The following GJE1 variants were observed in gnomAD, a reference collection of about 807,000 sequenced individuals.
The protein encoded by GJE1 is gap junction protein epsilon 1, also known as gap junction epsilon-1 protein.
GJE1 carries 9 observed loss-of-function variants against 6.2 expected under a neutral mutation model. That is an observed-to-expected ratio of 1.45 (90% confidence interval 0.87 to 2.52). GJE1 has a LOEUF of 2.52. Among genes scored for constraint, GJE1 ranks in the 30% most tolerant of loss-of-function variants. GJE1 has a pLI of 0.00. For missense variants in GJE1, 190 were observed against 87.7 expected, an observed-to-expected ratio of 2.17 and a Z score of -4.66; for synonymous variants, 65 against 30.1, an observed-to-expected ratio of 2.16 and a Z score of -3.80.
intron 2 of GJE1, 104 bp downstream of exon 2, chr6:142,134,148 A>T (rs1778203278): frequency 4.0e-6 from 2 of 503,374 alleles, no homozygotes; most frequent in Admixed American, 6.8e-5. Context: ...GTTCCTAAGG[A>T]TTATGTTACT....
chr6:142,134,448 T>A (rs1371355056), intron 2 of GJE1, 91 bp from the exon 3 acceptor site: 2 of 455,910 alleles, frequency 4.4e-6, no homozygotes, highest in Non-Finnish European at 3.8e-6. Flanking sequence ...TAGACTCTGT[T>A]GAGAGTTAGT....
exon 1 of GJE1, chr6:142,133,184 T>C (rs1314257067): frequency 8.7e-6 from 6 of 687,312 alleles, no homozygotes; most frequent in Admixed American, 2.1e-5. Context: ...ATCAAAAACT[T>C]CTATGAAGGA....
upstream of GJE1, chr6:142,133,054 G>C (rs111269991): frequency 2.7e-3 from 1,432 of 526,866 alleles, 21 homozygotes; most frequent in African/African-American, 0.025. Context: ...GTTTTCTGCT[G>C]TAAGAGTCCT....
exon 2 of GJE1, chr6:142,133,959 A>C: frequency 2.8e-6 from 2 of 702,512 alleles, no homozygotes; most frequent in Non-Finnish European, 5.2e-6. Context: ...GAGGCCTTGC[A>C]CTTCATTTGC....
exon 2 of GJE1, chr6:142,134,005 C>T (rs1487837097): frequency 1.4e-6 from 1 of 702,262 alleles, no homozygotes; most frequent in Non-Finnish European, 2.6e-6. Context: ...TCTTCTGTTA[C>T]AATCAGTTCA....
intron 2 of GJE1, 137 bp from the exon 3 acceptor site, chr6:142,134,402 C>A (rs1778207677): frequency 2.2e-6 from 1 of 451,732 alleles, no homozygotes; most frequent in Non-Finnish European, 3.9e-6. Flanking sequence ...TATTAAGACA[C>A]ATATAAGATT....
chr6:142,133,857 C>A, exon 2 of GJE1: 1 of 688,448 alleles, frequency 1.5e-6, no homozygotes. Context: ...CAGGTTAAAC[C>A]TCCAACTGTG....
chr6:142,133,929 G>A, exon 2 of GJE1: 1 of 702,434 alleles, frequency 1.4e-6, no homozygotes, highest in Non-Finnish European at 2.6e-6. Context: ...GGGGTGCTAG[G>A]CTTTGCAGTT....
intron 2 of GJE1, 117 bp from the exon 3 acceptor site, chr6:142,134,422 C>A: frequency 2.3e-6 from 1 of 442,168 alleles, no homozygotes; most frequent in East Asian, 3.4e-5. Context: ...TTTTATGAAA[C>A]TTGGAATTTT....
At chr6:142,134,776 A>G in exon 3 of GJE1, 1 of 692,810 alleles carries the variant, frequency 1.4e-6, no homozygotes, top group Non-Finnish European at 2.6e-6. Context: ...GGAAAACATG[A>G]TTATAAGATG....
chr6:142,133,874 C>A, exon 2 of GJE1: 1 of 698,368 alleles, frequency 1.4e-6, no homozygotes, highest in South Asian at 1.5e-5. Context: ...TGTGATTGGT[C>A]AATTCCACAC....
intron 1 of GJE1, among the ~76,000 whole-genome samples, chr6:142,133,496 G>A (rs1230658576): frequency 1.3e-5 from 2 of 152,136 alleles, no homozygotes; most frequent in African/African-American, 4.8e-5. Flanking sequence ...TGTACGGACT[G>A]AGCTTACTAC....
chr6:142,133,295 TG>T, intron 1 of GJE1, 98 bp downstream of exon 1: 1 of 495,800 alleles, frequency 2.0e-6, no homozygotes, highest in Non-Finnish European at 3.6e-6. Context: ...TCTACATCTA[TG>T]GAGAATACTG....
rs143586294 is a variant in GJE1, at chr6:142,134,023, C to A, written c.213C>A (p.Ile71=). The A allele has an allele frequency of 1.0e-4, 70 of 693,658 alleles. No individual in the cohort carries two copies. The East Asian group carries it at 1.9e-3, about 18-fold the overall frequency. 43.0% of individuals were successfully genotyped at this position (693,658 alleles called of 1,614,324 possible). Residue 71 remains isoleucine (I), a synonymous_variant, in exon 2 of 3, where the codon ATC becomes ATA. Transcript: ENST00000450456. ...TCTGTTACAATCAGTTCAGGCCAAT[C>A]ACTCCACAAGTAAGTTTTTCTGTGT...
chr6:142,134,518 G>C, intron 2 of GJE1, 21 bp from the exon 3 acceptor site: 1 of 485,302 alleles, frequency 2.1e-6, no homozygotes, highest in South Asian at 4.2e-5. Flanking sequence ...AGATATTTCT[G>C]ACATACTTTA....
exon 3 of GJE1, chr6:142,134,549 T>C (rs534746689): frequency 2.4e-4 from 134 of 559,562 alleles, no homozygotes; most frequent in Non-Finnish European, 3.9e-4. Flanking sequence ...GCATTACAAC[T>C]AGTTATTGTC....
exon 3 of GJE1, chr6:142,134,685 G>A (rs547675373): frequency 3.5e-5 from 24 of 695,436 alleles, no homozygotes; most frequent in Admixed American, 1.9e-4. Context: ...TTAGTCTAGC[G>A]GCAATAGCAT....
chr6:142,134,036 A>C (rs1778199924), exon 2 of GJE1: 2 of 678,480 alleles, frequency 2.9e-6, no homozygotes, highest in African/African-American at 3.5e-5. Context: ...TCCACAAGTA[A>C]GTTTTTCTGT....
chr6:142,134,103 T>A (rs1778202281), intron 2 of GJE1, 59 bp downstream of exon 2: 2 of 546,028 alleles, frequency 3.7e-6, no homozygotes, highest in South Asian at 5.6e-5. Context: ...TGTAAAATAA[T>A]GTCATAATAT....
Sources: allele counts gnomAD v4.1 joint callset (sites outside exome capture counted in the v4.1 genomes callset), GRCh38; gene constraint gnomAD v4.1.1; transcripts MANE v1.5; gene names NCBI Gene and HGNC (gene_info 2026-07-23, HGNC 2026-07-21).